Variants in PARD3 observed in about 807,000 individuals in gnomAD.
The protein encoded by PARD3 is par-3 family cell polarity regulator, also known as partitioning defective 3 homolog.
PARD3 carries 75 observed loss-of-function variants against 155.4 expected under a neutral mutation model. That is an observed-to-expected ratio of 0.48 (90% confidence interval 0.40 to 0.58). The LOEUF (loss-of-function observed/expected upper bound fraction) is 0.58, where lower values mean the gene tolerates loss of function less well. Ranked by LOEUF, PARD3 falls within the 20% of genes least tolerant of loss-of-function variation. The probability of loss-of-function intolerance (pLI) is 0.00; values close to 1 mark genes in which losing one functional copy is unlikely to be tolerated. For missense variants in PARD3, 1,642 were observed against 1,721.7 expected, an observed-to-expected ratio of 0.95 and a Z score of 0.82; for synonymous variants, 576 against 610.5, an observed-to-expected ratio of 0.94 and a Z score of 0.83.
chr10:34,706,186 A>C (rs765721293), intron 1 of PARD3, among the ~76,000 whole-genome samples: 56 of 152,214 alleles, frequency 3.7e-4, no homozygotes, highest in Non-Finnish European at 6.6e-4. Flanking sequence ...ATTCATGTGC[A>C]TTATCTCATG....
At chr10:34,210,563 A>AGTGGAAATAATTGATCATTCTCTCCT (rs1951697055) in intron 22 of PARD3, among the ~76,000 whole-genome samples, 1 of 152,156 alleles carries the variant, frequency 6.6e-6, no homozygotes, top group Non-Finnish European at 1.5e-5. Flanking sequence ...GGCGGTACAA[A>AGTGGAAATAATTGATCATTCTCTCCT]GTGGAAATAA....
chr10:34,199,956 T>G (rs1046900461), intron 22 of PARD3, among the ~76,000 whole-genome samples: 1 of 152,180 alleles, frequency 6.6e-6, no homozygotes, highest in Non-Finnish European at 1.5e-5. Flanking sequence ...ATTGTGTTAT[T>G]ATCCTGAGTT....
intron 2 of PARD3, among the ~76,000 whole-genome samples, chr10:34,650,838 C>T (rs1404589282): frequency 6.6e-6 from 1 of 152,016 alleles, no homozygotes; most frequent in African/African-American, 2.4e-5. Flanking sequence ...ATGGAGAAAT[C>T]TCGTCCCTAC....
At chr10:34,428,628 A>C (rs1420398062) in intron 5 of PARD3, among the ~76,000 whole-genome samples, 1 of 152,242 alleles carries the variant, frequency 6.6e-6, no homozygotes, top group Non-Finnish European at 1.5e-5. Context: ...TTCAGAAAGA[A>C]GACGACAACA....
intron 11 of PARD3, among the ~76,000 whole-genome samples, chr10:34,372,999 T>C (rs898162369): frequency 6.6e-6 from 1 of 152,052 alleles, no homozygotes; most frequent in African/African-American, 2.4e-5. Flanking sequence ...GATTTTTTTT[T>C]CCTATAATGT....
intron 22 of PARD3, among the ~76,000 whole-genome samples, chr10:34,199,914 A>G (rs999704790): frequency 1.3e-5 from 2 of 152,144 alleles, no homozygotes; most frequent in African/African-American, 4.8e-5. Context: ...AGAATACCAC[A>G]TCCATGAAAA....
intron 2 of PARD3, among the ~76,000 whole-genome samples, chr10:34,642,192 T>C (rs2092699621): frequency 6.6e-6 from 1 of 151,310 alleles, no homozygotes; most frequent in Admixed American, 6.6e-5. Flanking sequence ...CCTGCCTTCC[T>C]GAGCCTCCTG....
intron 2 of PARD3, among the ~76,000 whole-genome samples, chr10:34,529,616 A>T (rs1301441173): frequency 6.6e-6 from 1 of 152,258 alleles, no homozygotes; most frequent in African/African-American, 2.4e-5. Flanking sequence ...CACTATCATG[A>T]AACAGTTAAC....
chr10:34,343,417 A>G (rs1837042210), intron 15 of PARD3: 1 of 982,510 alleles, frequency 1.0e-6, no homozygotes, highest in South Asian at 4.7e-5. Flanking sequence ...TTCTGAGTAG[A>G]AATATTATAC....
chr10:34,516,995 A>C lies in PARD3; in HGVS notation c.387T>G (p.Pro129=). 1 of 1,614,110 alleles carries C rather than the reference A, an allele frequency of 6.2e-7. No homozygotes were observed. The highest frequency in any genetic ancestry group is 8.5e-7 in the Non-Finnish European group (1 of 1,179,954). ...YQATSEIEVT[P]SVLRANMPLH... is the part of the protein sequence containing the mutation. ...TTCACTTACTTGCTCGAAGGACTGA[A>C]GGTGTGACCTCAATTTCACTTGTTG... is the stretch of plus-strand genomic sequence containing the variant. The change falls in exon 3 of 25, where the codon CCT becomes CCG. Residue 129 remains proline (P), a synonymous_variant. Transcript: ENST00000374788.
intron 5 of PARD3, among the ~76,000 whole-genome samples, chr10:34,414,866 G>A (rs1466111128): frequency 6.6e-6 from 1 of 151,944 alleles, no homozygotes; most frequent in East Asian, 1.9e-4. Context: ...AGTAAGTACT[G>A]GGAAAAGGAA....
At chr10:34,188,088 A>G (rs1950561340) in intron 22 of PARD3, among the ~76,000 whole-genome samples, 1 of 152,184 alleles carries the variant, frequency 6.6e-6, no homozygotes, top group Admixed American at 6.5e-5. Flanking sequence ...TTATCTTCTG[A>G]ACTAAGAGCT....
rs2081832917 is a variant in PARD3, at chr10:34,517,222, GTACTATTTTGACATAATTC to G, written c.223-82_223-64del. On this transcript the variant is annotated intron_variant, in intron 2 of 24. Transcript: ENST00000374788. ...GCACTTAATTAACTACCAAAATTTTGTACTATTTTGACATAATTCTACAGTGCAAAAATACTGATATAAA... is the reference window on the plus strand; with the variant it reads ...GCACTTAATTAACTACCAAAATTTTGTACAGTGCAAAAATACTGATATAAA... The G allele has an allele frequency of 2.0e-6, 3 of 1,471,680 alleles. No homozygotes were observed. The East Asian group carries it at 6.9e-5, about 34-fold the overall frequency. The allele number at this position is 1,471,680 out of a possible 1,614,324, so 91.2% of individuals were successfully genotyped here.
At chr10:34,537,105 C>G (rs1045334582) in intron 2 of PARD3, among the ~76,000 whole-genome samples, 1 of 152,184 alleles carries the variant, frequency 6.6e-6, no homozygotes, top group Non-Finnish European at 1.5e-5. Context: ...TGGACTCAAA[C>G]GATCCTCTCA....
chr10:34,442,071 C>T (rs556519673), intron 5 of PARD3, among the ~76,000 whole-genome samples: 1 of 152,292 alleles, frequency 6.6e-6, no homozygotes, highest in African/African-American at 2.4e-5. Flanking sequence ...TGCTTCTCTA[C>T]AAATTTTATG....
intron 1 of PARD3, among the ~76,000 whole-genome samples, chr10:34,717,609 G>A (rs2094539911): frequency 1.3e-5 from 2 of 152,090 alleles, no homozygotes; most frequent in South Asian, 2.1e-4. Flanking sequence ...ACGGTCCCAC[G>A]CAGATTACTG....
intron 2 of PARD3, among the ~76,000 whole-genome samples, chr10:34,576,698 C>T (rs1382612049): frequency 1.3e-5 from 2 of 152,096 alleles, no homozygotes; most frequent in Non-Finnish European, 2.9e-5. Context: ...GAAATCACTA[C>T]AGAAACAGTC....
intron 2 of PARD3, among the ~76,000 whole-genome samples, chr10:34,581,379 C>A (rs1007525771): frequency 6.6e-6 from 1 of 151,576 alleles, no homozygotes; most frequent in African/African-American, 2.4e-5. Flanking sequence ...GGACTACAGG[C>A]ACCTGCCACT....
chr10:34,576,080 A>C (rs1324143695), intron 2 of PARD3, among the ~76,000 whole-genome samples: 3 of 152,196 alleles, frequency 2.0e-5, no homozygotes, highest in Non-Finnish European at 4.4e-5. Flanking sequence ...GTCTTGAATG[A>C]ATAAGCAGCA....
Sources: gnomAD v4.1 joint callset for allele counts (sites outside exome capture counted in the v4.1 genomes callset) on GRCh38, gnomAD v4.1.1 for gene constraint, MANE v1.5 for transcripts, NCBI Gene and HGNC (gene_info 2026-07-23, HGNC 2026-07-21) for gene names.